STRADB: variants seen among roughly 807,000 people sequenced by gnomAD.
The protein encoded by STRADB is STE20 related adaptor beta, also known as STE20-related kinase adapter protein beta.
Under a neutral mutation model 52.1 loss-of-function variants are expected in STRADB, and 34 were observed. That is an observed-to-expected ratio of 0.65 (90% CI 0.50 to 0.87). The LOEUF is 0.87. Ranked by LOEUF, STRADB falls within the 40% of genes least tolerant of loss-of-function variation. The pLI, the probability that STRADB is intolerant of heterozygous loss-of-function variation, is 0.00. For missense variants in STRADB, 340 were observed against 483.9 expected, an observed-to-expected ratio of 0.70 and a Z score of 2.79; for synonymous variants, 133 against 174.5, an observed-to-expected ratio of 0.76 and a Z score of 1.87.
At chr2:201,479,333 G>A (rs968718014) in intron 10 of STRADB, 156 bp from the exon 11 acceptor site, 30 of 638,296 alleles carry the variant, frequency 4.7e-5, no homozygotes, top group African/African-American at 4.5e-4. Flanking sequence ...TTTAGTCAAG[G>A]TTGTAGCTAA....
chr2:201,463,562 C>T (rs1234821796), intron 3 of STRADB, among the ~76,000 whole-genome samples: 1 of 152,042 alleles, frequency 6.6e-6, no homozygotes, highest in Non-Finnish European at 1.5e-5. Flanking sequence ...CCATAACCTT[C>T]TTGGATACTG....
At chr2:201,472,906 G>T in intron 4 of STRADB, 49 bp from the exon 5 acceptor site, 2 of 1,527,014 alleles carry the variant, frequency 1.3e-6, no homozygotes, top group South Asian at 1.3e-5. Flanking sequence ...TAAATTGTCA[G>T]TTTTTTTTCT....
chr2:201,479,281 T>G, intron 10 of STRADB: 1 of 532,884 alleles, frequency 1.9e-6, no homozygotes, highest in Non-Finnish European at 3.3e-6. Context: ...GCAGTAAATG[T>G]TGAGTATGGA....
intron 11 of STRADB, 125 bp from the exon 12 acceptor site, chr2:201,479,907 A>G: frequency 4.2e-6 from 5 of 1,189,542 alleles, no homozygotes; most frequent in Non-Finnish European, 6.0e-6. Flanking sequence ...AGGCAGTTTT[A>G]GGGGAAATAC....
At chr2:201,475,462 TGAAA>T (rs1450199113) in intron 6 of STRADB, among the ~76,000 whole-genome samples, 153 bp from the exon 7 acceptor site, 4 of 152,208 alleles carry the variant, frequency 2.6e-5, no homozygotes, top group Non-Finnish European at 5.9e-5. Flanking sequence ...TAAAGATTCT[TGAAA>T]GAAAATCATG....
intron 3 of STRADB, among the ~76,000 whole-genome samples, chr2:201,459,556 G>C (rs928241155): frequency 6.6e-6 from 1 of 151,910 alleles, no homozygotes; most frequent in Non-Finnish European, 1.5e-5. Flanking sequence ...AATGCCCTGG[G>C]GTCTATCCCC....
chr2:201,479,995 G>A, intron 11 of STRADB, 37 bp from the exon 12 acceptor site: 1 of 1,595,666 alleles, frequency 6.3e-7, no homozygotes, highest in Non-Finnish European at 8.6e-7. Context: ...ATATTGAAAT[G>A]ATATATCAAC....
At chr2:201,477,877 T>C in intron 8 of STRADB, 87 bp downstream of exon 8, 2 of 1,489,440 alleles carry the variant, frequency 1.3e-6, no homozygotes, top group South Asian at 1.2e-5. Flanking sequence ...TATATTTGGA[T>C]TGGTGAATGG....
chr2:201,454,957 T>C, intron 2 of STRADB, 105 bp downstream of exon 2: 1 of 1,027,730 alleles, frequency 9.7e-7, no homozygotes, highest in Non-Finnish European at 1.4e-6. Context: ...TCTTATGCTC[T>C]GAGATATTGT....
chr2:201,455,876 C>G (rs1228164078), intron 2 of STRADB, among the ~76,000 whole-genome samples: 1 of 152,214 alleles, frequency 6.6e-6, no homozygotes, highest in Non-Finnish European at 1.5e-5. Flanking sequence ...ACCTGCCAAT[C>G]TATTCTATCA....
chr2:201,469,762 C>T (rs1053042081), intron 3 of STRADB, among the ~76,000 whole-genome samples, 191 bp from the exon 4 acceptor site: 1 of 152,208 alleles, frequency 6.6e-6, no homozygotes, highest in African/African-American at 2.4e-5. Flanking sequence ...CATAGGCTAA[C>T]AGCTTTCTAC....
Position 201,480,412 on chromosome 2 carries a change from C to G in STRADB, c.*237C>G, listed in dbSNP as rs1574298439. 1 of 1,246,334 alleles carries G rather than the reference C, an allele frequency of 8.0e-7. No individual in the cohort carries two copies. The highest frequency in any genetic ancestry group is 3.2e-4 in the Middle Eastern group (1 of 3,138). 77.2% of individuals were successfully genotyped at this position (1,246,334 alleles called of 1,614,324 possible). A position where few individuals can be genotyped will look rare whatever the true frequency, so the allele number is the denominator to read the frequency against. Reference sequence around the variant, plus strand: ...ACTAATCTAGCTAGTGTCATTTATTCTGGAATTTTTTTCTAAGCTGTGACT... The same window carrying G: ...ACTAATCTAGCTAGTGTCATTTATTGTGGAATTTTTTTCTAAGCTGTGACT... On this transcript the variant is annotated 3_prime_UTR_variant, in exon 12 of 12. Transcript: ENST00000194530.
At chr2:201,461,860 A>G (rs886684572) in intron 3 of STRADB, among the ~76,000 whole-genome samples, 1 of 152,232 alleles carries the variant, frequency 6.6e-6, no homozygotes, top group Non-Finnish European at 1.5e-5. Flanking sequence ...ATTTTTTAAT[A>G]TAGCAAGAGA....
Position 201,451,781 on chromosome 2 carries a change from C to T in STRADB, c.-253C>T, listed in dbSNP as rs1179784510. The T allele has an allele frequency of 6.6e-6, 1 of 152,024 alleles. No homozygotes were observed. The highest frequency in any genetic ancestry group is 2.4e-5 in the African/African-American group (1 of 41,404). The allele number at this position is 152,024 out of a possible 1,614,324, so 9.4% of individuals were successfully genotyped here. On this transcript the variant is annotated 5_prime_UTR_variant, in exon 1 of 12. Transcript: ENST00000194530. ...CTGGGACTGGTGCAGAGTTCCAAGC[C>T]CACGGCCCCGGTCGCGGCCTCGCCG... is the stretch of plus-strand genomic sequence containing the variant.
intron 2 of STRADB, among the ~76,000 whole-genome samples, chr2:201,455,061 GT>G (rs1952107074): frequency 6.6e-6 from 1 of 152,098 alleles, no homozygotes; most frequent in Non-Finnish European, 1.5e-5. Context: ...ACTTCAATAT[GT>G]TCATTATTCT....
At chr2:201,468,110 G>A (rs1486858058) in intron 3 of STRADB, among the ~76,000 whole-genome samples, 1 of 48,610 alleles carries the variant, frequency 2.1e-5, no homozygotes, top group African/African-American at 6.6e-5. Flanking sequence ...TTTTTTTTTG[G>A]TAATTAGCTA....
At chr2:201,452,750 T>G (rs1952066401) in intron 1 of STRADB, among the ~76,000 whole-genome samples, 1 of 152,246 alleles carries the variant, frequency 6.6e-6, no homozygotes, top group Admixed American at 6.5e-5. Context: ...AATGCCTAAA[T>G]TAACTCAAAA....
At chr2:201,471,438 T>C (rs1174425068) in intron 4 of STRADB, among the ~76,000 whole-genome samples, 1 of 152,196 alleles carries the variant, frequency 6.6e-6, no homozygotes, top group Non-Finnish European at 1.5e-5. Context: ...GGAATTGTCC[T>C]TCCGCTAGAG....
intron 4 of STRADB, 72 bp from the exon 5 acceptor site, chr2:201,472,882 AT>A: frequency 6.8e-7 from 1 of 1,473,444 alleles, no homozygotes; most frequent in Non-Finnish European, 9.1e-7. Context: ...AGACTTTTCA[AT>A]TTTGATGATG....
Sources: gnomAD v4.1 joint callset for allele counts (sites outside exome capture counted in the v4.1 genomes callset) on GRCh38, gnomAD v4.1.1 for gene constraint, MANE v1.5 for transcripts, NCBI Gene and HGNC (gene_info 2026-07-23, HGNC 2026-07-21) for gene names.